CDH18: variants seen among roughly 807,000 people sequenced by gnomAD.
The protein encoded by CDH18 is cadherin 18.
CDH18 carries 31 observed loss-of-function variants against 67.9 expected under a neutral mutation model. The ratio of observed to expected loss-of-function variants is 0.46; its 90% CI spans 0.34 to 0.62. The LOEUF (loss-of-function observed/expected upper bound fraction) is 0.62, where lower values mean the gene tolerates loss of function less well. Ranked by LOEUF, CDH18 falls within the 20% of genes least tolerant of loss-of-function variation. CDH18 has a pLI of 0.01. For missense variants in CDH18, 890 were observed against 975.5 expected (o/e 0.91, Z 1.17); for synonymous variants, 362 against 347.2 (o/e 1.04, Z -0.48).
intron 2 of CDH18, among the ~76,000 whole-genome samples, chr5:20,103,569 CAA>C (rs139801417): frequency 2.9e-5 from 3 of 102,106 alleles, no homozygotes; most frequent in Non-Finnish European, 5.7e-5. Flanking sequence ...ACTAAAAATA[CAA>C]AAAAAAAAAA....
intron 5 of CDH18, among the ~76,000 whole-genome samples, chr5:19,669,764 C>T (rs543993325): frequency 6.6e-6 from 1 of 152,296 alleles, no homozygotes; most frequent in Admixed American, 6.5e-5. Context: ...AATGACTTTA[C>T]TCATGTATTC....
At chr5:19,504,245 G>A (rs1743724488) in intron 10 of CDH18, among the ~76,000 whole-genome samples, 1 of 151,978 alleles carries the variant, frequency 6.6e-6, no homozygotes, top group Non-Finnish European at 1.5e-5. Context: ...ATACAGAAGA[G>A]ATCAACTTCC....
chr5:19,742,032 A>G (rs1181384538), intron 4 of CDH18, among the ~76,000 whole-genome samples: 1 of 152,200 alleles, frequency 6.6e-6, no homozygotes, highest in African/African-American at 2.4e-5. Context: ...ATATAGATCA[A>G]AAAGATACAT....
chr5:20,261,813 G>C (rs1744680540), intron 1 of CDH18, among the ~76,000 whole-genome samples: 1 of 151,800 alleles, frequency 6.6e-6, no homozygotes, highest in Non-Finnish European at 1.5e-5. Flanking sequence ...AATTCAGATT[G>C]TACTGACTGA....
At chr5:19,533,466 A>C (rs921863556) in intron 9 of CDH18, among the ~76,000 whole-genome samples, 3 of 152,202 alleles carry the variant, frequency 2.0e-5, no homozygotes, top group African/African-American at 7.2e-5. Flanking sequence ...TTCAGTCAAA[A>C]GAATGAGATA....
chr5:19,548,486 T>C (rs1461335302), intron 8 of CDH18, among the ~76,000 whole-genome samples: 1 of 152,044 alleles, frequency 6.6e-6, no homozygotes, highest in African/African-American at 2.4e-5. Context: ...AATGCGTATA[T>C]GAGTTATTTA....
intron 2 of CDH18, among the ~76,000 whole-genome samples, chr5:20,017,806 C>T (rs951144777): frequency 2.0e-5 from 3 of 152,130 alleles, no homozygotes; most frequent in Admixed American, 6.5e-5. Context: ...AAACTTTTCT[C>T]TTAGTCACGC....
rs907916460 is a variant in CDH18, at chr5:20,424,340, C to T, written c.-580+151122G>A. 1.9e-4 allele frequency among the ~76,000 whole-genome samples: 29 copies of T among 150,718 alleles called. 2 individuals carry two copies. Among genetic ancestry groups the T allele is most frequent in the Admixed American group, 1.6e-3 (25 of 15,210 alleles). On this transcript the variant is annotated intron_variant, in intron 1 of 14. Coordinates refer to the CDH18 transcript ENST00000507958. The stretch of plus-strand genomic sequence containing the variant: ...AGGCCGTATGTTTTTTCCAACAGCA[C>T]CATCATATTATCATACAAATGTGAA...
chr5:20,536,595 T>C (rs16886421), intron 1 of CDH18, among the ~76,000 whole-genome samples: 1,848 of 152,174 alleles, frequency 0.012, 28 homozygotes, highest in African/African-American at 0.042. Context: ...ATGGTTATAA[T>C]GGTGGTTTAA....
intron 1 of CDH18, among the ~76,000 whole-genome samples, chr5:20,441,621 T>C (rs983150208): frequency 2.0e-5 from 3 of 152,046 alleles, no homozygotes; most frequent in Non-Finnish European, 4.4e-5. Flanking sequence ...AATATAATTC[T>C]CTGAGTTTAA....
At chr5:19,524,865 C>T (rs1477299615) in intron 9 of CDH18, among the ~76,000 whole-genome samples, 4 of 152,146 alleles carry the variant, frequency 2.6e-5, no homozygotes, top group African/African-American at 9.7e-5. Context: ...CCTGCCTCAG[C>T]CTCCCGAGTA....
chr5:20,563,149 C>T (rs1281220764), intron 1 of CDH18, among the ~76,000 whole-genome samples: 1 of 151,466 alleles, frequency 6.6e-6, no homozygotes. Flanking sequence ...GCATAAATGT[C>T]TCTGCAACAA....
chr5:20,463,479 G>C (rs1033403784), intron 1 of CDH18, among the ~76,000 whole-genome samples: 1 of 152,092 alleles, frequency 6.6e-6, no homozygotes, highest in Non-Finnish European at 1.5e-5. Context: ...CTCAGGAAAC[G>C]TACAATCATG....
chr5:20,558,961 C>T (rs763252087), intron 1 of CDH18, among the ~76,000 whole-genome samples: 1 of 150,996 alleles, frequency 6.6e-6, no homozygotes, highest in Admixed American at 6.7e-5. Context: ...GAAAAGGAAA[C>T]CTCCATTGTC....
chr5:20,349,099 T>C (rs1325105012), intron 1 of CDH18, among the ~76,000 whole-genome samples: 2 of 152,174 alleles, frequency 1.3e-5, no homozygotes, highest in Admixed American at 1.3e-4. Flanking sequence ...TTGATACTTT[T>C]ATAGACTATG....
chr5:20,419,963 CTT>C (rs1174243463), intron 1 of CDH18, among the ~76,000 whole-genome samples: 1 of 150,956 alleles, frequency 6.6e-6, no homozygotes, highest in Non-Finnish European at 1.5e-5. Flanking sequence ...TAAATAATAA[CTT>C]TTCTGGTAAT....
At chr5:20,556,996 C>T (rs899667895) in intron 1 of CDH18, among the ~76,000 whole-genome samples, 2 of 152,004 alleles carry the variant, frequency 1.3e-5, no homozygotes, top group African/African-American at 4.8e-5. Flanking sequence ...GAGAAAATTA[C>T]CATATTTCTT....
chr5:20,461,062 G>T (rs143529997), intron 1 of CDH18, among the ~76,000 whole-genome samples: 35 of 152,280 alleles, frequency 2.3e-4, no homozygotes, highest in African/African-American at 8.4e-4. Flanking sequence ...GAAGGATACA[G>T]GTATCAATAG....
chr5:20,352,836 T>C lies in CDH18; in HGVS notation c.-579-97331A>G, dbSNP rs1339438645. ...AAAAAATAACCTAATGTTCTTTTCA[T>C]TGATGACACTGATGTGATTTATACT... On this transcript the variant is annotated intron_variant, in intron 1 of 14. Transcript: ENST00000507958. 5.3e-5 allele frequency among the ~76,000 whole-genome samples: 8 copies of C among 152,026 alleles called. No homozygotes were observed. In the East Asian group the frequency reaches 1.4e-3, roughly 26 times the overall value.
Sources: gnomAD v4.1 joint callset for allele counts (sites outside exome capture counted in the v4.1 genomes callset) on GRCh38, gnomAD v4.1.1 for gene constraint, MANE v1.5 for transcripts, NCBI Gene and HGNC (gene_info 2026-07-23, HGNC 2026-07-21) for gene names.